The following DDX39A variants were observed in gnomAD, a reference collection of about 807,000 sequenced individuals.
DDX39A encodes DExD-box helicase 39A, also known as ATP-dependent RNA helicase DDX39A.
In DDX39A, 13 loss-of-function variants were observed where a neutral mutation model predicts 46.3. The ratio of observed to expected loss-of-function variants is 0.28; its 90% CI spans 0.18 to 0.45. The LOEUF (loss-of-function observed/expected upper bound fraction) is 0.45, where lower values mean the gene tolerates loss of function less well. Ranked by LOEUF, DDX39A falls within the 20% of genes least tolerant of loss-of-function variation. DDX39A has a pLI of 1.00. For missense variants in DDX39A, 352 were observed against 581.8 expected (o/e 0.61, Z 4.06); for synonymous variants, 234 against 224.6 (o/e 1.04, Z -0.38).
At chr19:14,414,325 TTTATTATTA>T (rs376558858) in intron 1 of DDX39A, among the ~76,000 whole-genome samples, 4,250 of 133,468 alleles carry the variant, frequency 0.032, 154 homozygotes, top group African/African-American at 0.089. Context: ...TATCACCTGT[TTTATTATTA>T]TTATTATTAT....
chr19:14,414,936 TA>T (rs1006829482), intron 1 of DDX39A, among the ~76,000 whole-genome samples: 9,315 of 72,780 alleles, frequency 0.13, 449 homozygotes, highest in African/African-American at 0.26. Context: ...CACTCCAGCC[TA>T]AAAAAAAAAA....
chr19:14,411,557 G>A lies in DDX39A; in HGVS notation c.378C>T (p.Phe126=). The change falls in exon 4 of 11, where the codon TTC becomes TTT. Residue 126 remains phenylalanine, a synonymous_variant. Coordinates refer to ENST00000242776, the MANE Select transcript of DDX39A (RefSeq NM_005804.4). The surrounding 1 kb of genome is among the most constrained non-coding windows in gnomAD (Gnocchi z 4.1). ...LVMCHTRELA[F]QISKEYERFS... ...AGCGCTCATATTCCTTGCTGATCTG[G>A]AAGGCCAGCTCCCTCGTGTGGCACA... 6.2e-7 allele frequency: 1 copy of A among 1,614,106 alleles called. No individual in the cohort carries two copies. The highest frequency in any genetic ancestry group is 8.5e-7 in the Non-Finnish European group (1 of 1,180,000).
At position 14,412,415 on chromosome 19, in the gene DDX39A, A is replaced by G. The variant is rs750352544; in HGVS notation, c.336+136T>C. The G allele has an allele frequency of 1.6e-5, 21 of 1,273,376 alleles. No individual in the cohort carries two copies. Among genetic ancestry groups the G allele is most frequent in the Non-Finnish European group, 2.2e-5 (20 of 927,146 alleles). 78.9% of individuals were successfully genotyped at this position (1,273,376 alleles called of 1,614,324 possible). A position where few individuals can be genotyped will look rare whatever the true frequency, so the allele number is the denominator to read the frequency against. ...GTGATCATAGCACACTGCAGCCTCG[A>G]CTTCCTGGGCTCAAGCAATCCTCCA... On this transcript the variant is annotated intron_variant, in intron 3 of 10. Coordinates refer to ENST00000242776, the MANE Select transcript of DDX39A (RefSeq NM_005804.4). This position sits in a 1 kb window ranked among gnomAD's most constrained non-coding sequence, Gnocchi z 4.4.
In DDX39A at chr19:14,409,568, G is replaced by C. The variant is rs754881959; in HGVS notation, c.942C>G (p.Ile314Met). ...CCTGGGCCATGCCCCGGTGGATGGC[G>C]ATGGCCGGGAAGTTCTGCTCCACGA... ...QLLVEQNFPA[I>M]AIHRGMAQEE... The change falls in exon 8 of 11, where the codon ATC (isoleucine) becomes ATG (methionine). Residue 314 changes from isoleucine (I) to methionine (M), a missense_variant. Ile to Met is a conservative substitution (Grantham distance 10). This residue lies in a region of DDX39A where 301 missense variants were observed against 469.9 expected (regional missense o/e 0.64). Coordinates refer to ENST00000242776, the MANE Select transcript of DDX39A (RefSeq NM_005804.4). This position sits in a 1 kb window ranked among gnomAD's most constrained non-coding sequence, Gnocchi z 8.3. 1.2e-6 allele frequency: 2 copies of C among 1,610,506 alleles called. No individual in the cohort carries two copies. Among genetic ancestry groups the C allele is most frequent in the African/African-American group, 2.7e-5 (2 of 74,924 alleles).
chr19:14,414,576 C>T (rs1599648352), intron 1 of DDX39A, among the ~76,000 whole-genome samples: 1 of 147,310 alleles, frequency 6.8e-6, no homozygotes, highest in East Asian at 2.2e-4. Flanking sequence ...GTCTCAAACT[C>T]CTGACCTCAT....
Position 14,410,302 on chromosome 19 carries a change from G to C in DDX39A, c.646C>G (p.Leu216Val). The part of the protein sequence containing the change: ...MRRDVQEIFR[L>V]TPHEKQCMMF... ...ATGCACTGCTTCTCGTGTGGTGTCA[G>C]GCGGAAGATCTCCTGCACATCCCGC... Residue 216 changes from leucine to valine, a missense_variant, in exon 6 of 11, where the codon CTG (leucine) becomes GTG (valine). By Grantham distance (32) the Leu-to-Val change is conservative. Transcript: ENST00000242776. The surrounding 1 kb of genome is among the most constrained non-coding windows in gnomAD (Gnocchi z 4.3). The C allele has an allele frequency of 6.2e-7, 1 of 1,614,166 alleles. No individual in the cohort carries two copies. Among genetic ancestry groups the C allele is most frequent in the African/African-American group, 1.3e-5 (1 of 75,044 alleles).
chr19:14,409,997 T>C lies in DDX39A; in HGVS notation c.733-124A>G. 1.6e-6 allele frequency: 2 copies of C among 1,272,056 alleles called. No individual in the cohort carries two copies. The highest frequency in any genetic ancestry group is 2.3e-5 in the East Asian group (1 of 43,248). 78.8% of individuals were successfully genotyped at this position (1,272,056 alleles called of 1,614,324 possible). Reference sequence around the variant, plus strand: ...CCCAGAGGACCTGCTGCACCAGACCTCAGTAAACATCGCTCAAAAGCTGGA... The same window carrying C: ...CCCAGAGGACCTGCTGCACCAGACCCCAGTAAACATCGCTCAAAAGCTGGA... On this transcript the variant is annotated intron_variant, in intron 6 of 10. Transcript: ENST00000242776. The surrounding 1 kb of genome is among the most constrained non-coding windows in gnomAD (Gnocchi z 8.3).
chr19:14,416,178 G>A (rs990877979), intron 1 of DDX39A: 5 of 152,126 alleles, frequency 3.3e-5, no homozygotes, highest in South Asian at 2.0e-4. Context: ...CCAGCCTACC[G>A]GGCCCCTCCT....
chr19:14,410,849 A>G lies in DDX39A; in HGVS notation c.613+140T>C. 1.3e-6 allele frequency: 1 copy of G among 785,584 alleles called. No homozygotes were observed. The highest frequency in any genetic ancestry group is 1.9e-6 in the Non-Finnish European group (1 of 519,874). 48.7% of individuals were successfully genotyped at this position (785,584 alleles called of 1,614,324 possible). ...CTCAGAAACAGCACATCCCTCTGCC[A>G]GCAGCAGAGCTTTCCCCAAGATCAC... On this transcript the variant is annotated intron_variant, in intron 5 of 10. Coordinates refer to ENST00000242776, the MANE Select transcript of DDX39A (RefSeq NM_005804.4). This position sits in a 1 kb window ranked among gnomAD's most constrained non-coding sequence, Gnocchi z 4.3.
rs1172589236 is a variant in DDX39A, at chr19:14,409,507, T to G, written c.974+29A>C. ...ACACTGGGCTCCTGGTGGTGCTCCC[T>G]GCAGCCTTGGCGGGCGGCTCGCACT... On this transcript the variant is annotated intron_variant, in intron 8 of 10. Coordinates refer to ENST00000242776, the MANE Select transcript of DDX39A (RefSeq NM_005804.4). This position sits in a 1 kb window ranked among gnomAD's most constrained non-coding sequence, Gnocchi z 8.3. The G allele has an allele frequency of 5.0e-6, 8 of 1,610,302 alleles. No individual in the cohort carries two copies. The highest frequency in any genetic ancestry group is 5.9e-6 in the Non-Finnish European group (7 of 1,178,802).
intron 1 of DDX39A, among the ~76,000 whole-genome samples, chr19:14,416,794 C>T (rs1418384745): frequency 2.0e-5 from 3 of 152,166 alleles, no homozygotes; most frequent in Non-Finnish European, 4.4e-5. Flanking sequence ...CCAGTGAGTC[C>T]ACCACCTCAG....
In DDX39A at chr19:14,409,453, G is replaced by C; in HGVS notation, c.975-6C>G. 1 of 1,613,868 alleles carries C rather than the reference G, an allele frequency of 6.2e-7. No homozygotes were observed. Among genetic ancestry groups the C allele is most frequent in the Non-Finnish European group, 8.5e-7 (1 of 1,180,010 alleles). On this transcript the variant is annotated splice_region_variant and splice_polypyrimidine_tract_variant and intron_variant, in intron 8 of 10. Transcript: ENST00000242776. This position sits in a 1 kb window ranked among gnomAD's most constrained non-coding sequence, Gnocchi z 8.3. ...ACTGCTGATAGCGTGACAGGCTGGGGTGCAGGAGAAACAAGTGGAGGCCGT... is the reference window on the plus strand; with the variant it reads ...ACTGCTGATAGCGTGACAGGCTGGGCTGCAGGAGAAACAAGTGGAGGCCGT...
In DDX39A at chr19:14,410,622, C is replaced by T. The variant is rs997279025; in HGVS notation, c.614-288G>A. On this transcript the variant is annotated intron_variant, in intron 5 of 10. Transcript: ENST00000242776. The surrounding 1 kb of genome is among the most constrained non-coding windows in gnomAD (Gnocchi z 4.3). ...GAGGGGAGCCTGAGGCAGAGACAGC[C>T]GCTGGGGTGAGAGCTGCAGCTGCCT... The T allele has an allele frequency of 1.3e-5, 7 of 526,884 alleles. No homozygotes were observed. Among genetic ancestry groups the T allele is most frequent in the Non-Finnish European group, 2.1e-5 (6 of 288,702 alleles). The allele number at this position is 526,884 out of a possible 1,614,324, so 32.6% of individuals were successfully genotyped here.
intron 1 of DDX39A, among the ~76,000 whole-genome samples, chr19:14,414,325 TTTATTA>T (rs376558858): frequency 0.1 from 13,614 of 133,330 alleles, 759 homozygotes; most frequent in Middle Eastern, 0.19. Context: ...TATCACCTGT[TTTATTA>T]TTATTATTAT....
chr19:14,414,910 G>A (rs73517836), intron 1 of DDX39A, among the ~76,000 whole-genome samples: 6,314 of 148,160 alleles, frequency 0.043, 480 homozygotes, highest in African/African-American at 0.15. Context: ...GGTTGTGATG[G>A]GCTGAAATCA....
At chr19:14,415,359 G>A (rs1416133608) in intron 1 of DDX39A, among the ~76,000 whole-genome samples, 1 of 151,908 alleles carries the variant, frequency 6.6e-6, no homozygotes, top group Non-Finnish European at 1.5e-5. Flanking sequence ...GAGTGCAGTG[G>A]CCCAATCAAA....
Position 14,411,534 on chromosome 19 carries a change from C to T in DDX39A, c.401G>A (p.Arg134His), listed in dbSNP as rs1343328286. ...LAFQISKEYE[R>H]FSKYMPSVKV... ...GACGCTGGGCATGTACTTGGAAAAG[C>T]GCTCATATTCCTTGCTGATCTGGAA... The change falls in exon 4 of 11, where the codon CGC (arginine) becomes CAC (histidine). Residue 134 changes from arginine to histidine, a missense_variant. By Grantham distance (29) the Arg-to-His change is conservative (BLOSUM62 0). Around this residue, in one of 3 missense-constraint regions of DDX39A, gnomAD observed 301 missense variants for 469.9 expected, o/e 0.64. Coordinates refer to ENST00000242776, the MANE Select transcript of DDX39A (RefSeq NM_005804.4). The surrounding 1 kb of genome is among the most constrained non-coding windows in gnomAD (Gnocchi z 4.1). 1 of 1,614,178 alleles carries T rather than the reference C, an allele frequency of 6.2e-7. No homozygotes were observed.
At position 14,409,191 on chromosome 19, in the gene DDX39A, G is replaced by A. The variant is rs1568324098; in HGVS notation, c.1120-7C>T. 6.2e-7 allele frequency: 1 copy of A among 1,614,172 alleles called. No homozygotes were observed. Among genetic ancestry groups the A allele is most frequent in the Admixed American group, 1.7e-5 (1 of 60,028 alleles). ...AGCGACCCGCCCGGGCCACCTGCAG[G>A]CAGACAGGATCAGGGTCAGGCCACA... is the stretch of plus-strand genomic sequence containing the variant. On this transcript the variant is annotated splice_region_variant and splice_polypyrimidine_tract_variant and intron_variant, in intron 9 of 10. Transcript: ENST00000242776. The surrounding 1 kb of genome is among the most constrained non-coding windows in gnomAD (Gnocchi z 8.3).
intron 1 of DDX39A, among the ~76,000 whole-genome samples, chr19:14,417,733 C>T (rs183291533): frequency 3.9e-5 from 6 of 152,310 alleles, no homozygotes; most frequent in Admixed American, 1.3e-4. Flanking sequence ...GGTGTGGTGG[C>T]ATGGGCCTGT....
Sources: gnomAD v4.1 joint callset for allele counts (sites outside exome capture counted in the v4.1 genomes callset) on GRCh38, gnomAD v4.1.1 for gene constraint, gnomAD v4.1.1 regional missense constraint, Gnocchi (gnomAD v3.1) non-coding constraint, MANE v1.5 for transcripts, NCBI Gene and HGNC (gene_info 2026-07-23, HGNC 2026-07-21) for gene names.